Variants in DMD observed in about 807,000 individuals in gnomAD.
DMD encodes the protein dystrophin.
DMD carries 63 observed loss-of-function variants against 330.1 expected under a neutral mutation model. The ratio of observed to expected loss-of-function variants is 0.19; its 90% CI spans 0.16 to 0.24. DMD has a LOEUF of 0.24. DMD is among the 10% of genes least tolerant of loss of function. The pLI is 1.00. For missense variants in DMD, 3,344 were observed against 2,684.1 expected, an observed-to-expected ratio of 1.25 and a Z score of -5.43; for synonymous variants, 1,223 against 959.8, an observed-to-expected ratio of 1.27 and a Z score of -5.07.
At chrX:32,826,389 G>A (rs1300715994) in intron 4 of DMD, among the ~76,000 whole-genome samples, 1 of 111,658 alleles carries the variant, frequency 9.0e-6, no homozygotes, top group Non-Finnish European at 1.9e-5. Flanking sequence ...GCACTTCAAT[G>A]TATATTGTAG....
At chrX:33,227,388 G>A (rs748201562) in intron 1 of DMD, among the ~76,000 whole-genome samples, 4 of 110,690 alleles carry the variant, frequency 3.6e-5, no homozygotes, top group African/African-American at 1.3e-4. Context: ...TCCATGGCAA[G>A]GCTAAGTTTT....
rs1289993031 is a variant in DMD, at chrX:32,040,204, C to T, written c.6439-71690G>A. Among the ~76,000 whole-genome samples, 3 of 111,851 alleles carry T rather than the reference C, an allele frequency of 2.7e-5. 1 individual carries two copies. Among genetic ancestry groups the T allele is most frequent in the Non-Finnish European group, 5.6e-5 (3 of 53,143 alleles). On this transcript the variant is annotated intron_variant, in intron 44 of 78. Coordinates refer to ENST00000357033, the MANE Select transcript of DMD (RefSeq NM_004006.3). ...TGACCTAGATAATCAAATTCAAGGT[C>T]GTTGGAGTGACAAAATCCTTCATAA...
intron 30 of DMD, among the ~76,000 whole-genome samples, chrX:32,401,229 C>T (rs1332231195): frequency 9.3e-6 from 1 of 107,335 alleles, no homozygotes; most frequent in Non-Finnish European, 1.9e-5. Flanking sequence ...ATACCTAATG[C>T]TAGATGACGA....
chrX:32,489,823 C>G (rs1295574493), intron 20 of DMD, among the ~76,000 whole-genome samples: 1 of 111,948 alleles, frequency 8.9e-6, no homozygotes, highest in Non-Finnish European at 1.9e-5. Flanking sequence ...GATTATTCCT[C>G]TGATTCACAG....
At chrX:32,304,621 T>C (rs1216180887) in intron 42 of DMD, among the ~76,000 whole-genome samples, 5 of 111,495 alleles carry the variant, frequency 4.5e-5, no homozygotes, top group Admixed American at 3.8e-4. Context: ...GGAAATAATT[T>C]AAGCATGATT....
At chrX:32,209,767 C>A (rs1193064464) in intron 44 of DMD, among the ~76,000 whole-genome samples, 1 of 111,690 alleles carries the variant, frequency 9.0e-6, no homozygotes, top group East Asian at 2.8e-4. Flanking sequence ...ACCGTGGTTA[C>A]TACAGTAAGT....
At chrX:31,584,569 C>T (rs889762926) in intron 55 of DMD, among the ~76,000 whole-genome samples, 3 of 111,746 alleles carry the variant, frequency 2.7e-5, no homozygotes, top group Admixed American at 1.9e-4. Context: ...ACCCAAATGC[C>T]CATCAGTGAT....
chrX:32,978,091 T>C (rs140414920), intron 2 of DMD, among the ~76,000 whole-genome samples: 1,498 of 63,563 alleles, frequency 0.024, 25 homozygotes, highest in African/African-American at 0.12. Context: ...GGAAAAACTT[T>C]AAGAGAAAAG....
chrX:32,072,222 AC>A (rs1436520301), intron 44 of DMD, among the ~76,000 whole-genome samples: 1 of 109,657 alleles, frequency 9.1e-6, no homozygotes, highest in Non-Finnish European at 1.9e-5. Context: ...AATATTAAAA[AC>A]CCTTTGCTCT....
chrX:32,714,639 T>G (rs1421133239), intron 7 of DMD, among the ~76,000 whole-genome samples: 1 of 111,761 alleles, frequency 8.9e-6, no homozygotes, highest in African/African-American at 3.3e-5. Flanking sequence ...TGAAGTTACT[T>G]TCAATGTACA....
intron 48 of DMD, among the ~76,000 whole-genome samples, chrX:31,837,257 A>G (rs188656815): frequency 1.9e-4 from 21 of 112,136 alleles, no homozygotes; most frequent in African/African-American, 6.8e-4. Flanking sequence ...ATATCAAATA[A>G]TTATTTCTAC....
intron 7 of DMD, among the ~76,000 whole-genome samples, chrX:32,783,061 T>C (rs2074961879): frequency 1.0e-5 from 1 of 98,155 alleles, no homozygotes; most frequent in African/African-American, 4.1e-5. Flanking sequence ...CATATACATA[T>C]ATGGTGTATA....
At position 31,902,754 on chromosome X, in the gene DMD, G is replaced by A. The variant is rs1241280282; in HGVS notation, c.6912+26842C>T. ...AAAAGAAATCCAAGAATTACATCCC[G>A]TATAATCCTAGTTGTGGATTTATAT... On this transcript the variant is annotated intron_variant, in intron 47 of 78. Transcript: ENST00000357033. Among the ~76,000 whole-genome samples, 16 of 111,485 alleles carry A rather than the reference G, an allele frequency of 1.4e-4. 1 individual carries two copies. Among genetic ancestry groups the A allele is most frequent in the Non-Finnish European group, 5.7e-5 (3 of 52,950 alleles).
At chrX:31,147,067 G>T (rs1011598416) in intron 75 of DMD, among the ~76,000 whole-genome samples, 3 of 111,563 alleles carry the variant, frequency 2.7e-5, no homozygotes, top group Admixed American at 1.9e-4. Flanking sequence ...AAACCATTTT[G>T]GTAGGAAACA....
At chrX:31,396,362 C>G (rs1602458887) in intron 60 of DMD, among the ~76,000 whole-genome samples, 1 of 110,576 alleles carries the variant, frequency 9.0e-6, no homozygotes, top group African/African-American at 3.3e-5. Context: ...TGGTCTCCAT[C>G]TCCTGACCTC....
chrX:32,818,008 T>A (rs1181261137), intron 5 of DMD, among the ~76,000 whole-genome samples: 2 of 112,248 alleles, frequency 1.8e-5, no homozygotes, highest in African/African-American at 3.2e-5. Flanking sequence ...CCTACTTATT[T>A]AGTCAGTTAC....
chrX:32,175,534 C>T (rs930446471), intron 44 of DMD, among the ~76,000 whole-genome samples: 11 of 110,693 alleles, frequency 9.9e-5, no homozygotes, highest in Admixed American at 3.8e-4. Context: ...TGTTTGGGTT[C>T]GTGCCACCTT....
chrX:32,285,574 A>T (rs920425606), intron 43 of DMD, among the ~76,000 whole-genome samples: 2 of 110,605 alleles, frequency 1.8e-5, no homozygotes, highest in Non-Finnish European at 1.9e-5. Context: ...CCACCATTTT[A>T]TAAGTTTAAG....
chrX:31,444,472 T>C lies in DMD; in HGVS notation c.9084+9A>G, dbSNP rs2149074899. The C allele has an allele frequency of 2.5e-6, 3 of 1,210,715 alleles. No homozygotes were observed. Among genetic ancestry groups the C allele is most frequent in the Non-Finnish European group, 3.4e-6 (3 of 894,554 alleles). ...TAACAAAGGACAACAATGTTTACAA[T>C]GTGCTTACCTGCAGAAGCTTCCATC... is the stretch of plus-strand genomic sequence containing the variant. On this transcript the variant is annotated intron_variant, in intron 60 of 78. Transcript: ENST00000357033.
Sources: allele counts gnomAD v4.1 joint callset (sites outside exome capture counted in the v4.1 genomes callset), GRCh38; gene constraint gnomAD v4.1.1; transcripts MANE v1.5; gene names NCBI Gene and HGNC (gene_info 2026-07-23, HGNC 2026-07-21).